The following SUSD5 variants were observed in gnomAD, a reference collection of about 807,000 sequenced individuals.
SUSD5 encodes sushi domain-containing protein 5.
In SUSD5, 33 loss-of-function variants were observed where a neutral mutation model predicts 29.5. The observed-to-expected ratio is 1.12, with a 90% CI of 0.85 to 1.49. The LOEUF is 1.49. Ranked by LOEUF, SUSD5 falls within the 40% of genes most tolerant of loss-of-function variation. SUSD5 has a pLI of 0.00. For missense variants in SUSD5, 776 were observed against 800.6 expected, an observed-to-expected ratio of 0.97 and a Z score of 0.37; for synonymous variants, 308 against 325.3, an observed-to-expected ratio of 0.95 and a Z score of 0.57.
intron 3 of SUSD5, among the ~76,000 whole-genome samples, chr3:33,186,848 CCT>C (rs1357875901): frequency 3.0e-4 from 46 of 152,132 alleles, no homozygotes; most frequent in Admixed American, 6.6e-4. Flanking sequence ...ACCAAAACTA[CCT>C]TGACTCTCTG....
At chr3:33,211,122 G>A (rs1039713340) in intron 2 of SUSD5, among the ~76,000 whole-genome samples, 1 of 152,028 alleles carries the variant, frequency 6.6e-6, no homozygotes, top group African/African-American at 2.4e-5. Context: ...TTGAACTCCC[G>A]ACCACAACTA....
At chr3:33,179,193 G>A (rs966286478) in intron 3 of SUSD5, among the ~76,000 whole-genome samples, 5 of 152,166 alleles carry the variant, frequency 3.3e-5, no homozygotes, top group African/African-American at 1.2e-4. Flanking sequence ...CAAATTTGTA[G>A]GCATAGAGTT....
rs535206937 is a variant in SUSD5 at position 33,184,885 on chromosome 3, T to C, written c.410-9811A>G. On this transcript the variant is annotated intron_variant, in intron 3 of 4. Coordinates refer to ENST00000309558, the MANE Select transcript of SUSD5 (RefSeq NM_015551.2). ...ATTCCTGGTCTAATAAATTCAATGT[T>C]CCCGCCCTATCTGAGTCTAGCTCTG... Among the ~76,000 whole-genome samples, 9 of 152,362 alleles carry C rather than the reference T, an allele frequency of 5.9e-5. No individual in the cohort carries two copies. The East Asian group carries it at 1.7e-3, about 29-fold the overall frequency.
At chr3:33,209,270 C>A (rs1038073444) in intron 2 of SUSD5, among the ~76,000 whole-genome samples, 1 of 152,096 alleles carries the variant, frequency 6.6e-6, no homozygotes, top group South Asian at 2.1e-4. Flanking sequence ...CTGTGAATTT[C>A]TTTGTATTTG....
At chr3:33,183,643 T>C (rs796820996) in intron 3 of SUSD5, among the ~76,000 whole-genome samples, 2 of 152,266 alleles carry the variant, frequency 1.3e-5, no homozygotes, top group African/African-American at 4.8e-5. Flanking sequence ...TCACTAAGAA[T>C]ACAAAAAAGT....
intron 1 of SUSD5, among the ~76,000 whole-genome samples, chr3:33,214,751 C>G (rs1017109027): frequency 6.6e-6 from 1 of 152,026 alleles, no homozygotes; most frequent in Admixed American, 6.5e-5. Flanking sequence ...TGAATTCAAG[C>G]AGAGGTGAAA....
intron 1 of SUSD5, 75 bp downstream of exon 1, chr3:33,218,611 A>G: frequency 2.5e-6 from 3 of 1,191,606 alleles, no homozygotes; most frequent in South Asian, 3.1e-5. Context: ...CAGAGGGAGC[A>G]GCCCCGGCGA....
At chr3:33,192,498 T>C (rs1274144270) in intron 3 of SUSD5, among the ~76,000 whole-genome samples, 5 of 151,894 alleles carry the variant, frequency 3.3e-5, no homozygotes, top group African/African-American at 4.8e-5. Context: ...TTTCAATCTA[T>C]AAGATATCTA....
At chr3:33,182,514 G>C (rs2031693367) in intron 3 of SUSD5, among the ~76,000 whole-genome samples, 1 of 152,120 alleles carries the variant, frequency 6.6e-6, no homozygotes, top group South Asian at 2.1e-4. Context: ...TCTGACAGAG[G>C]GGTGTTTAAA....
rs2030985453 is a variant in SUSD5, at chr3:33,153,915, G to C, written c.717C>G (p.Asp239Glu). ...CCTGTTTTGGAGCCTCCTCAGAGGA[G>C]TCTCCCTGACCCCTGTCCTCATCTG... ...TEADEDRGQG[D>E]SSEEAPKQDR... The change falls in exon 5 of 5, where the codon GAC becomes GAG. Residue 239 changes from aspartate to glutamate, a missense_variant. By Grantham distance (45) the Asp-to-Glu change is conservative. Transcript: ENST00000309558. The C allele has an allele frequency of 6.2e-7, 1 of 1,613,810 alleles. No homozygotes were observed.
chr3:33,217,542 ACT>A (rs1290168646), intron 1 of SUSD5, among the ~76,000 whole-genome samples: 1 of 152,176 alleles, frequency 6.6e-6, no homozygotes, highest in Non-Finnish European at 1.5e-5. Flanking sequence ...TGTCTCTAAC[ACT>A]CTCTCTGAGG....
intron 3 of SUSD5, among the ~76,000 whole-genome samples, chr3:33,193,091 A>G (rs1317001004): frequency 6.6e-6 from 1 of 152,152 alleles, no homozygotes; most frequent in Non-Finnish European, 1.5e-5. Flanking sequence ...GACTGAAGCA[A>G]GCAATGGGGG....
At position 33,151,174 on chromosome 3, in the gene SUSD5, A is replaced by G. The variant is rs886176992; in HGVS notation, c.*1568T>C. ...CTCTCAAACTTGAGTGCATATCAAA[A>G]TCACCTGGAGGGCTTGTTAAAAACA... On this transcript the variant is annotated 3_prime_UTR_variant, in exon 5 of 5. Coordinates refer to ENST00000309558, the MANE Select transcript of SUSD5 (RefSeq NM_015551.2). The G allele has an allele frequency of 6.6e-6, 1 of 152,094 alleles. No homozygotes were observed. Among genetic ancestry groups the G allele is most frequent in the Non-Finnish European group, 1.5e-5 (1 of 68,028 alleles). 9.4% of individuals were successfully genotyped at this position (152,094 alleles called of 1,614,324 possible).
At chr3:33,207,654 C>G (rs917445573) in intron 3 of SUSD5, among the ~76,000 whole-genome samples, 154 bp downstream of exon 3, 7 of 152,190 alleles carry the variant, frequency 4.6e-5, no homozygotes, top group African/African-American at 1.7e-4. Flanking sequence ...TTGTCCACTT[C>G]CCCACCGCAC....
chr3:33,184,581 C>G (rs2031740743), intron 3 of SUSD5, among the ~76,000 whole-genome samples: 2 of 152,050 alleles, frequency 1.3e-5, no homozygotes, highest in Admixed American at 1.3e-4. Flanking sequence ...TGTGGTACCC[C>G]ATAGTTCTTG....
intron 3 of SUSD5, among the ~76,000 whole-genome samples, chr3:33,186,694 G>A (rs2031786978): frequency 1.3e-5 from 2 of 152,052 alleles, no homozygotes; most frequent in Admixed American, 6.6e-5. Context: ...CAAAGTCCTG[G>A]GATTACAGGT....
intron 4 of SUSD5, 78 bp downstream of exon 4, chr3:33,174,808 G>C (rs146286049): frequency 6.5e-7 from 1 of 1,539,538 alleles, no homozygotes; most frequent in Admixed American, 1.8e-5. Context: ...AGAGCCCACC[G>C]CATGCAGCCA....
rs139695389 is a variant in SUSD5 at position 33,158,294 on chromosome 3, C to T, written c.599-4261G>A. On this transcript the variant is annotated intron_variant, in intron 4 of 4. Coordinates refer to ENST00000309558, the MANE Select transcript of SUSD5 (RefSeq NM_015551.2). ...ACACCCCGAAGACCCTCTGAAAAGA[C>T]GCCATTGTTGAAGGACCAATTGAAT... is the stretch of plus-strand genomic sequence containing the variant. 4.7e-4 allele frequency among the ~76,000 whole-genome samples: 71 copies of T among 152,298 alleles called. No individual in the cohort carries two copies. The East Asian group carries it at 0.012, about 26-fold the overall frequency.
At chr3:33,211,723 G>A (rs540724675) in intron 2 of SUSD5, among the ~76,000 whole-genome samples, 33 of 152,296 alleles carry the variant, frequency 2.2e-4, no homozygotes, top group African/African-American at 7.9e-4. Flanking sequence ...AAAGTGAAGT[G>A]GCTCCTGCCT....
Sources: gnomAD v4.1 joint callset for allele counts (sites outside exome capture counted in the v4.1 genomes callset) on GRCh38, gnomAD v4.1.1 for gene constraint, MANE v1.5 for transcripts, NCBI Gene and HGNC (gene_info 2026-07-23, HGNC 2026-07-21) for gene names.